The following CYP2C19 variants were observed in gnomAD, a reference collection of about 807,000 sequenced individuals.
CYP2C19 encodes the protein cytochrome P450 family 2 subfamily C member 19, also known as cytochrome P450 2C19.
In CYP2C19, 59 loss-of-function variants were observed where a neutral mutation model predicts 40.9. The observed-to-expected ratio is 1.44, with a 90% CI of 1.17 to 1.79. CYP2C19 has a LOEUF of 1.79. Ranked by LOEUF, CYP2C19 falls within the 40% of genes most tolerant of loss-of-function variation. The pLI is 0.00. For missense variants in CYP2C19, 754 were observed against 596.9 expected (o/e 1.26, Z -2.74); for synonymous variants, 253 against 208.7 (o/e 1.21, Z -1.83).
chr10:94,772,782 CTT>C lies in CYP2C19; in HGVS notation c.169-2272_169-2271del, dbSNP rs565374750. ...TTTAGTCTGGTGGCCACATTGGTCA[CTT>C]TTTGTTTTGAGACGGAGTCTCGCTC... On this transcript the variant is annotated intron_variant, in intron 1 of 8. Coordinates refer to ENST00000371321, the MANE Select transcript of CYP2C19 (RefSeq NM_000769.4). 2.5e-3 allele frequency among the ~76,000 whole-genome samples: 381 copies of C among 151,908 alleles called. 2 individuals carry two copies. Among genetic ancestry groups the C allele is most frequent in the African/African-American group, 8.0e-3 (333 of 41,438 alleles).
chr10:94,822,361 C>T (rs1205727435), intron 6 of CYP2C19, among the ~76,000 whole-genome samples: 2 of 152,124 alleles, frequency 1.3e-5, no homozygotes, highest in South Asian at 2.1e-4. Flanking sequence ...CATTGAGTCC[C>T]TCCCATGACA....
At chr10:94,806,288 G>T (rs80336387) in intron 5 of CYP2C19, among the ~76,000 whole-genome samples, 3,120 of 152,064 alleles carry the variant, frequency 0.021, 112 homozygotes, top group African/African-American at 0.063. Context: ...AACCAAATTT[G>T]CTTACCCATT....
intron 6 of CYP2C19, among the ~76,000 whole-genome samples, chr10:94,827,008 A>T (rs1270822573): frequency 1.3e-5 from 2 of 152,238 alleles, no homozygotes; most frequent in East Asian, 3.9e-4. Flanking sequence ...CCCAGGGATG[A>T]AGCCCACTCG....
At chr10:94,828,705 T>C (rs1040151895) in intron 6 of CYP2C19, among the ~76,000 whole-genome samples, 38 of 151,530 alleles carry the variant, frequency 2.5e-4, no homozygotes, top group Non-Finnish European at 5.2e-4. Flanking sequence ...ATCCTGTCAT[T>C]ATGATGTTAG....
intron 1 of CYP2C19, among the ~76,000 whole-genome samples, chr10:94,766,713 C>T (rs1056332142): frequency 2.4e-4 from 36 of 151,946 alleles, no homozygotes; most frequent in African/African-American, 8.5e-4. Flanking sequence ...GCAAGTCCTC[C>T]AACAGTTCGC....
intron 1 of CYP2C19, among the ~76,000 whole-genome samples, chr10:94,766,993 G>A (rs1027149413): frequency 6.6e-6 from 1 of 152,066 alleles, no homozygotes; most frequent in Non-Finnish European, 1.5e-5. Flanking sequence ...TATCCTTCAG[G>A]TAGGTTTTTA....
At chr10:94,786,389 T>C (rs918546675) in intron 5 of CYP2C19, among the ~76,000 whole-genome samples, 2 of 152,130 alleles carry the variant, frequency 1.3e-5, no homozygotes, top group Non-Finnish European at 2.9e-5. Flanking sequence ...TTTCAATTTA[T>C]TTAGGTATTA....
intron 3 of CYP2C19, among the ~76,000 whole-genome samples, chr10:94,777,655 G>T (rs1253405546): frequency 6.6e-6 from 1 of 152,102 alleles, no homozygotes; most frequent in Non-Finnish European, 1.5e-5. Context: ...ATTAACTCAA[G>T]ATGGATTGAA....
In CYP2C19 at chr10:94,780,630, A is replaced by T; in HGVS notation, c.613A>T (p.Ile205Phe). The T allele has an allele frequency of 1.9e-6, 3 of 1,613,818 alleles. No homozygotes were observed. Among genetic ancestry groups the T allele is most frequent in the Non-Finnish European group, 2.5e-6 (3 of 1,179,870 alleles). ...LNLMEKLNEN[I>F]RIVSTPWIQI... ...CTTGATGGAAAAATTGAATGAAAAC[A>T]TCAGGATTGTAAGCACCCCCTGGAT... The change falls in exon 4 of 9, where the codon ATC becomes TTC. Residue 205 changes from isoleucine (I) to phenylalanine (F), a missense_variant. Physicochemically the swap from Ile to Phe is conservative, Grantham distance 21 (BLOSUM62 0). Transcript: ENST00000371321.
At chr10:94,823,373 G>A (rs1393996998) in intron 6 of CYP2C19, among the ~76,000 whole-genome samples, 5 of 152,154 alleles carry the variant, frequency 3.3e-5, no homozygotes, top group Non-Finnish European at 7.4e-5. Context: ...AAGACATGAG[G>A]TGTAGGCTAG....
rs765501102 is a variant in CYP2C19, at chr10:94,762,889, C to T, written c.168+16C>T. ...CTTAACCAATGTAAGTATGCTCCTTCAGTGGCTTGCAAAAGGTAAGTAAAT... is the reference window on the plus strand; with the variant it reads ...CTTAACCAATGTAAGTATGCTCCTTTAGTGGCTTGCAAAAGGTAAGTAAAT... On this transcript the variant is annotated intron_variant, in intron 1 of 8. Transcript: ENST00000371321. 3.7e-6 allele frequency: 6 copies of T among 1,609,730 alleles called. No homozygotes were observed. Among genetic ancestry groups the T allele is most frequent in the Non-Finnish European group, 5.1e-6 (6 of 1,176,368 alleles).
chr10:94,823,342 G>T (rs1849159062), intron 6 of CYP2C19, among the ~76,000 whole-genome samples: 1 of 152,082 alleles, frequency 6.6e-6, no homozygotes, highest in African/African-American at 2.4e-5. Flanking sequence ...CCATACTCAG[G>T]GACAAAGGGC....
At chr10:94,789,225 T>C (rs1848578025) in intron 5 of CYP2C19, among the ~76,000 whole-genome samples, 1 of 152,054 alleles carries the variant, frequency 6.6e-6, no homozygotes, top group Non-Finnish European at 1.5e-5. Context: ...TTTAAGTTCT[T>C]TGTTGATTCT....
intron 6 of CYP2C19, among the ~76,000 whole-genome samples, chr10:94,829,089 C>T (rs1030151440): frequency 6.6e-6 from 1 of 152,120 alleles, no homozygotes; most frequent in South Asian, 2.1e-4. Context: ...CTCTGGCTGC[C>T]CTTAACATTT....
chr10:94,831,391 A>G (rs992789445), intron 6 of CYP2C19, among the ~76,000 whole-genome samples: 3 of 152,220 alleles, frequency 2.0e-5, no homozygotes, highest in African/African-American at 4.8e-5. Flanking sequence ...TTGGGTATAT[A>G]CCCAGTAGTA....
intron 5 of CYP2C19, among the ~76,000 whole-genome samples, chr10:94,793,747 G>A (rs1050463522): frequency 2.0e-5 from 3 of 152,162 alleles, no homozygotes; most frequent in African/African-American, 7.2e-5. Flanking sequence ...GCACCGGGCT[G>A]TATGGGGTGT....
intron 6 of CYP2C19, among the ~76,000 whole-genome samples, chr10:94,827,527 A>T (rs1404698830): frequency 6.6e-6 from 1 of 151,674 alleles, no homozygotes; most frequent in Non-Finnish European, 1.5e-5. Flanking sequence ...ATCGTTTTTT[A>T]TTGCGTCTAT....
chr10:94,792,586 A>G (rs1169090427), intron 5 of CYP2C19, among the ~76,000 whole-genome samples: 2 of 152,132 alleles, frequency 1.3e-5, no homozygotes, highest in East Asian at 3.8e-4. Context: ...TCGTCTGTAA[A>G]GGATTTTATT....
At chr10:94,848,377 C>A (rs1321298873) in intron 7 of CYP2C19, among the ~76,000 whole-genome samples, 1 of 152,156 alleles carries the variant, frequency 6.6e-6, no homozygotes, top group Non-Finnish European at 1.5e-5. Context: ...TGTCAAAGAT[C>A]AGATCATTGT....
Sources: allele counts gnomAD v4.1 joint callset (sites outside exome capture counted in the v4.1 genomes callset), GRCh38; gene constraint gnomAD v4.1.1; transcripts MANE v1.5; gene names NCBI Gene and HGNC (gene_info 2026-07-23, HGNC 2026-07-21).